The following FBXL5 variants were observed in gnomAD, a reference collection of about 807,000 sequenced individuals.
FBXL5 encodes the protein F-box/LRR-repeat protein 5.
A neutral mutation model predicts 78.3 loss-of-function variants in FBXL5; 26 were observed. The ratio of observed to expected loss-of-function variants is 0.33; its 90% CI spans 0.24 to 0.46. The LOEUF is 0.46. Ranked by LOEUF, FBXL5 falls within the 20% of genes least tolerant of loss-of-function variation. The pLI is 1.00. For synonymous variants in FBXL5, 295 were observed against 282.5 expected (o/e 1.04, Z -0.45); for missense variants, 710 against 829.2 (o/e 0.86, Z 1.77).
At chr4:15,630,845 A>G in intron 5 of FBXL5, 54 bp from the exon 6 acceptor site, 1 of 1,600,986 alleles carries the variant, frequency 6.2e-7, no homozygotes, top group Admixed American at 1.7e-5. Context: ...ATTGCCTGCA[A>G]TTATGAAAAA....
intron 5 of FBXL5, among the ~76,000 whole-genome samples, chr4:15,633,556 A>G (rs1460152666): frequency 6.6e-6 from 1 of 152,214 alleles, no homozygotes; most frequent in Non-Finnish European, 1.5e-5. Context: ...CAACTAAATT[A>G]TATGATCATG....
At chr4:15,656,464 T>C (rs1716956842), upstream of FBXL5, 3 of 352,922 alleles carry the variant, frequency 8.5e-6, no homozygotes, top group Non-Finnish European at 1.7e-5. Context: ...TTCACCCTTG[T>C]TCTCTATTAT....
chr4:15,678,911 G>A (rs1718093642), intron 1 of FBXL5, among the ~76,000 whole-genome samples: 1 of 151,952 alleles, frequency 6.6e-6, no homozygotes, highest in Admixed American at 6.6e-5. Context: ...TAGCTTAATT[G>A]ATATAATGAA....
chr4:15,612,157 T>C (rs9884443), intron 10 of FBXL5, 109 bp downstream of exon 10: 785,220 of 793,814 alleles, frequency 0.99, 388,819 homozygotes, highest in South Asian at 1. Context: ...GAAAGTAAGA[T>C]AGTCTGGGAA....
chr4:15,658,085 T>A (rs2148755734), upstream of FBXL5, among the ~76,000 whole-genome samples: 1 of 152,344 alleles, frequency 6.6e-6, no homozygotes. Flanking sequence ...ATAGGCCTCT[T>A]CTATAGTAGT....
At chr4:15,647,839 A>T (rs1167143432) in intron 1 of FBXL5, among the ~76,000 whole-genome samples, 1 of 152,154 alleles carries the variant, frequency 6.6e-6, no homozygotes, top group East Asian at 1.9e-4. Context: ...AATAATATTA[A>T]CTACTTCACA....
intron 1 of FBXL5, among the ~76,000 whole-genome samples, chr4:15,654,149 C>T (rs534393556): frequency 3.7e-4 from 57 of 152,276 alleles, no homozygotes; most frequent in African/African-American, 1.3e-3. Flanking sequence ...TATGAAACAC[C>T]CCTCTTTTCT....
intron 1 of FBXL5, among the ~76,000 whole-genome samples, chr4:15,680,201 T>C (rs1718168677): frequency 1.3e-5 from 2 of 151,972 alleles, no homozygotes; most frequent in African/African-American, 4.8e-5. Flanking sequence ...TGCTTGTATC[T>C]CTGCATGAAG....
intron 2 of FBXL5, among the ~76,000 whole-genome samples, chr4:15,641,243 T>C (rs1458773297): frequency 6.6e-6 from 1 of 152,204 alleles, no homozygotes; most frequent in East Asian, 1.9e-4. Context: ...AATCCCTTTA[T>C]GGTCATCTAG....
intron 1 of FBXL5, chr4:15,681,286 G>A (rs1259061444): frequency 6.5e-6 from 1 of 153,796 alleles, no homozygotes; most frequent in African/African-American, 2.4e-5. Context: ...TCACCTTGGA[G>A]TGTATGAACC....
At chr4:15,655,056 G>A (rs1457193566) in intron 1 of FBXL5, 148 bp downstream of exon 1, 1 of 442,560 alleles carries the variant, frequency 2.3e-6, no homozygotes, top group East Asian at 8.2e-5. Context: ...CTGCGGGAGC[G>A]GGCGGCGCTG....
intron 2 of FBXL5, chr4:15,641,636 A>T (rs747982979): frequency 1.3e-5 from 6 of 449,086 alleles, no homozygotes; most frequent in South Asian, 9.3e-5. Flanking sequence ...GGCTGTAAGT[A>T]AAGTTTTGAG....
At chr4:15,645,719 G>A (rs760648228) in intron 1 of FBXL5, among the ~76,000 whole-genome samples, 4 of 152,130 alleles carry the variant, frequency 2.6e-5, no homozygotes, top group Admixed American at 6.6e-5. Context: ...AAGCTACCAC[G>A]CCCGGCCTAC....
chr4:15,652,350 T>C (rs1343150184), intron 1 of FBXL5, among the ~76,000 whole-genome samples: 1 of 152,194 alleles, frequency 6.6e-6, no homozygotes, highest in Non-Finnish European at 1.5e-5. Context: ...CATCTGAATC[T>C]ACCACTAGCT....
At chr4:15,646,541 A>T (rs1039532837) in intron 1 of FBXL5, among the ~76,000 whole-genome samples, 2 of 148,676 alleles carry the variant, frequency 1.3e-5, no homozygotes, top group Admixed American at 7.8e-5. Flanking sequence ...AATGCTAAAT[A>T]TTTTTTATTA....
At chr4:15,647,241 AAAG>A (rs1715465439) in intron 1 of FBXL5, among the ~76,000 whole-genome samples, 2 of 133,520 alleles carry the variant, frequency 1.5e-5, no homozygotes, top group African/African-American at 5.7e-5. Flanking sequence ...AAAAAAAAAA[AAAG>A]AAAGAAAATG....
At chr4:15,642,991 G>C (rs1046892245) in intron 2 of FBXL5, among the ~76,000 whole-genome samples, 1 of 151,860 alleles carries the variant, frequency 6.6e-6, no homozygotes, top group African/African-American at 2.4e-5. Flanking sequence ...TCTCAAGTCT[G>C]ATCCCCTCCC....
chr4:15,611,634 T>G (rs1012353169), intron 10 of FBXL5, among the ~76,000 whole-genome samples: 2 of 152,096 alleles, frequency 1.3e-5, no homozygotes, highest in Non-Finnish European at 2.9e-5. Context: ...TAGAATATGT[T>G]TAAAAGAACA....
At chr4:15,624,274 T>C (rs555629410) in intron 9 of FBXL5, among the ~76,000 whole-genome samples, 1 of 152,336 alleles carries the variant, frequency 6.6e-6, no homozygotes, top group South Asian at 2.1e-4. Flanking sequence ...GATAATCGAT[T>C]ACTGCACATC....
Sources: allele counts gnomAD v4.1 joint callset (sites outside exome capture counted in the v4.1 genomes callset), GRCh38; gene constraint gnomAD v4.1.1; transcripts MANE v1.5; gene names NCBI Gene and HGNC (gene_info 2026-07-23, HGNC 2026-07-21).